The following B3GALNT1 variants were observed in gnomAD, a reference collection of about 807,000 sequenced individuals.
The protein encoded by B3GALNT1 is UDP-GalNAc:beta-1,3-N-acetylgalactosaminyltransferase 1.
Under a neutral mutation model 27.3 loss-of-function variants are expected in B3GALNT1, and 17 were observed. The ratio of observed to expected loss-of-function variants is 0.62; its 90% CI spans 0.43 to 0.94. The LOEUF is 0.94. B3GALNT1 is among the 40% of genes least tolerant of loss of function. The pLI is 0.00. For missense variants in B3GALNT1, 347 were observed against 390.0 expected, an observed-to-expected ratio of 0.89 and a Z score of 0.93; for synonymous variants, 141 against 144.0, an observed-to-expected ratio of 0.98 and a Z score of 0.15.
At chr3:161,088,487 G>GAGATAT in intron 4 of B3GALNT1, among the ~76,000 whole-genome samples, 1 of 152,126 alleles carries the variant, frequency 6.6e-6, no homozygotes, top group Non-Finnish European at 1.5e-5. Flanking sequence ...TTTGTAAAAG[G>GAGATAT]ATAAAATATA....
At chr3:161,097,671 C>T (rs1263760986) in intron 4 of B3GALNT1, among the ~76,000 whole-genome samples, 1 of 152,294 alleles carries the variant, frequency 6.6e-6, no homozygotes, top group Non-Finnish European at 1.5e-5. Flanking sequence ...CTTCTTTCTG[C>T]CCCATGGTCT....
At chr3:161,099,723 T>C (rs921482369) in intron 4 of B3GALNT1, among the ~76,000 whole-genome samples, 2 of 152,026 alleles carry the variant, frequency 1.3e-5, no homozygotes, top group Admixed American at 6.6e-5. Flanking sequence ...GCCTGGCACA[T>C]AGGAAGCACT....
intron 4 of B3GALNT1, among the ~76,000 whole-genome samples, chr3:161,098,972 A>G (rs956468167): frequency 2.0e-5 from 3 of 152,356 alleles, no homozygotes; most frequent in Admixed American, 2.0e-4. Context: ...AGAGCTGGAC[A>G]CTTAAAGTCC....
rs1315403469 is a variant in B3GALNT1 at position 161,086,762 on chromosome 3, A to G, written c.-8T>C. 1 of 1,613,938 alleles carries G rather than the reference A, an allele frequency of 6.2e-7. No homozygotes were observed. The highest frequency in any genetic ancestry group is 8.5e-7 in the Non-Finnish European group (1 of 1,179,942). On this transcript the variant is annotated 5_prime_UTR_variant, in exon 5 of 5. Transcript: ENST00000320474. ...CCAGAGAGCCGAGGCCATCCACAGC[A>G]GCTCAGAAGCACGCGAGCCGAAGGT... is the stretch of plus-strand genomic sequence containing the variant.
Position 161,085,519 on chromosome 3 carries a change from T to C in B3GALNT1, c.*240A>G, listed in dbSNP as rs984644173. 3.8e-6 allele frequency: 2 copies of C among 526,420 alleles called. No individual in the cohort carries two copies. Among genetic ancestry groups the C allele is most frequent in the African/African-American group, 3.8e-5 (2 of 52,448 alleles). 32.6% of individuals were successfully genotyped at this position (526,420 alleles called of 1,614,324 possible). On this transcript the variant is annotated 3_prime_UTR_variant, in exon 5 of 5. Transcript: ENST00000320474. ...ACATGTCCAAATTGTTTGGTCCTATTAATTTCTTTAGCAAAAACCTCCAAT... is the reference window on the plus strand; with the variant it reads ...ACATGTCCAAATTGTTTGGTCCTATCAATTTCTTTAGCAAAAACCTCCAAT...
chr3:161,093,353 G>C (rs1238890922), intron 4 of B3GALNT1, among the ~76,000 whole-genome samples: 1 of 152,190 alleles, frequency 6.6e-6, no homozygotes, highest in African/African-American at 2.4e-5. Context: ...CAGGCATGTA[G>C]ATAAATAAGG....
At chr3:161,102,184 A>T (rs1193673018) in intron 3 of B3GALNT1, among the ~76,000 whole-genome samples, 2 of 151,554 alleles carry the variant, frequency 1.3e-5, no homozygotes. Context: ...AACTCTGGAA[A>T]CAAAATAGCT....
Position 161,086,350 on chromosome 3 carries a change from A to G in B3GALNT1, c.405T>C (p.Asp135=), listed in dbSNP as rs1251223057. Residue 135 remains aspartate, a synonymous_variant, in exon 5 of 5, where the codon GAT becomes GAC. Transcript: ENST00000320474. ...TTATGTCACCATAAAGAAGGTGTTC[A>G]TCCTCTAAGGACAATGCCAACATTT... ...EDKMLALSLE[D]EHLLYGDIIR... is the part of the protein sequence containing the mutation. The G allele has an allele frequency of 6.2e-7, 1 of 1,614,222 alleles. No homozygotes were observed. The highest frequency in any genetic ancestry group is 1.3e-5 in the African/African-American group (1 of 75,060).
intron 4 of B3GALNT1, among the ~76,000 whole-genome samples, chr3:161,091,482 TTCTCTG>T (rs1725074652): frequency 6.6e-6 from 1 of 152,186 alleles, no homozygotes; most frequent in Admixed American, 6.5e-5. Context: ...CGCACCATCC[TTCTCTG>T]TCTCAGGTAG....
In B3GALNT1 at chr3:161,104,402, GCAAT is replaced by G. The variant is rs537858667; in HGVS notation, c.-308_-305del. 157 of 1,265,442 alleles carry G rather than the reference GCAAT, an allele frequency of 1.2e-4. No individual in the cohort carries two copies. The highest frequency in any genetic ancestry group is 1.5e-4 in the Non-Finnish European group (145 of 970,318). 78.4% of individuals were successfully genotyped at this position (1,265,442 alleles called of 1,614,324 possible). On this transcript the variant is annotated splice_region_variant and 5_prime_UTR_variant, in exon 2 of 5. It removes the in-frame stop codon of an upstream open reading frame in the 5' UTR. Transcript: ENST00000320474. ...CAACGCAGCCACCTCCTAAACGCAG[GCAAT>G]CTGTGCAAAACGCAGAGGAAACAAA... is the stretch of plus-strand genomic sequence containing the variant.
intron 4 of B3GALNT1, among the ~76,000 whole-genome samples, chr3:161,091,940 A>G (rs554684968): frequency 2.6e-5 from 4 of 152,348 alleles, no homozygotes; most frequent in African/African-American, 9.6e-5. Context: ...ACAATTGGCT[A>G]TCTGTATGAT....
At chr3:161,090,284 T>C (rs1724355115) in intron 4 of B3GALNT1, among the ~76,000 whole-genome samples, 1 of 152,134 alleles carries the variant, frequency 6.6e-6, no homozygotes, top group Non-Finnish European at 1.5e-5. Context: ...GGAAAACTTA[T>C]AATCCTAATG....
chr3:161,099,712 T>C (rs1730173458), intron 4 of B3GALNT1, among the ~76,000 whole-genome samples: 1 of 152,122 alleles, frequency 6.6e-6, no homozygotes, highest in Admixed American at 6.6e-5. Context: ...CCTAGCATAG[T>C]GCCTGGCACA....
Position 161,086,553 on chromosome 3 carries a change from G to GA in B3GALNT1, c.201dup (p.Arg68SerfsTer31). ...TGATGAGAGCAGTTTGAATGCTCTC[G>GA]AAGTGTGAAGTGAAAGTCTTGTCTG... On this transcript the variant is annotated frameshift_variant, in exon 5 of 5. Coordinates refer to ENST00000320474, the MANE Select transcript of B3GALNT1 (RefSeq NM_003781.4). LOFTEE classifies it high-confidence loss of function. The GA allele has an allele frequency of 6.2e-7, 1 of 1,614,172 alleles. No homozygotes were observed. The highest frequency in any genetic ancestry group is 8.5e-7 in the Non-Finnish European group (1 of 1,180,040).
At position 161,085,565 on chromosome 3, in the gene B3GALNT1, C is replaced by T; in HGVS notation, c.*194G>A. The T allele has an allele frequency of 6.6e-6, 4 of 603,428 alleles. No individual in the cohort carries two copies. Among genetic ancestry groups the T allele is most frequent in the South Asian group, 4.2e-5 (2 of 47,812 alleles). 37.4% of individuals were successfully genotyped at this position (603,428 alleles called of 1,614,324 possible). ...CCAATTCCTTTATATTTAATTCCTCCACATATCATCTTTGAAGGGCCTGAC... is the reference window on the plus strand; with the variant it reads ...CCAATTCCTTTATATTTAATTCCTCTACATATCATCTTTGAAGGGCCTGAC... On this transcript the variant is annotated 3_prime_UTR_variant, in exon 5 of 5. Coordinates refer to ENST00000320474, the MANE Select transcript of B3GALNT1 (RefSeq NM_003781.4).
In B3GALNT1 at chr3:161,086,440, CT is replaced by C. The variant is rs759975633; in HGVS notation, c.314del (p.Lys105SerfsTer14). ...QAIRVTWGEK[K>X]SWWGYEVLTF... is the part of the protein sequence containing the mutation. The stretch of plus-strand genomic sequence containing the variant: ...TAAGAACCTCATATCCCCACCAAGA[CT>C]TTTTTTCACCCCAAGTAACTCTAAT... On this transcript the variant is annotated frameshift_variant, in exon 5 of 5. Transcript: ENST00000320474. LOFTEE classifies it high-confidence loss of function. 3 of 1,613,916 alleles carry C rather than the reference CT, an allele frequency of 1.9e-6. No homozygotes were observed. The highest frequency in any genetic ancestry group is 2.5e-6 in the Non-Finnish European group (3 of 1,180,024).
intron 4 of B3GALNT1, 50 bp downstream of exon 4, chr3:161,101,089 T>G (rs1730982423): frequency 8.0e-7 from 1 of 1,245,012 alleles, no homozygotes; most frequent in African/African-American, 1.5e-5. Flanking sequence ...TCTCACAGCC[T>G]CCTGAGATTC....
intron 4 of B3GALNT1, chr3:161,090,046 GCAA>G (rs1724194150): frequency 5.5e-6 from 1 of 181,994 alleles, no homozygotes; most frequent in South Asian, 8.4e-5. Context: ...TCCAGCCTGG[GCAA>G]CAGAGCAGCA....
intron 4 of B3GALNT1, among the ~76,000 whole-genome samples, chr3:161,087,861 G>A (rs1037145761): frequency 3.9e-5 from 6 of 152,152 alleles, no homozygotes; most frequent in East Asian, 3.9e-4. Flanking sequence ...AGTAGGAGAC[G>A]GGAGAAAGAA....
Sources: allele counts gnomAD v4.1 joint callset (sites outside exome capture counted in the v4.1 genomes callset), GRCh38; gene constraint gnomAD v4.1.1; transcripts MANE v1.5; gene names NCBI Gene and HGNC (gene_info 2026-07-23, HGNC 2026-07-21).